Variants in GLDN observed in about 807,000 individuals in gnomAD.
GLDN encodes collomin.
Under a neutral mutation model 56.5 loss-of-function variants are expected in GLDN, and 47 were observed. The observed-to-expected ratio is 0.83, with a 90% CI of 0.66 to 1.06. GLDN has a LOEUF of 1.06. Among genes scored for constraint, GLDN ranks in the 50% least tolerant of loss-of-function variants. The pLI is 0.00. For synonymous variants in GLDN, 332 were observed against 278.8 expected, an observed-to-expected ratio of 1.19 and a Z score of -1.90; for missense variants, 782 against 714.3, an observed-to-expected ratio of 1.09 and a Z score of -1.08.
intron 1 of GLDN, among the ~76,000 whole-genome samples, chr15:51,351,876 C>G (rs554575674): frequency 6.6e-6 from 1 of 152,272 alleles, no homozygotes; most frequent in South Asian, 2.1e-4. Context: ...TTCACCAAGC[C>G]TCAGTTTCCT....
intron 5 of GLDN, among the ~76,000 whole-genome samples, chr15:51,397,006 A>C (rs1163867409): frequency 6.6e-6 from 1 of 152,224 alleles, no homozygotes; most frequent in Non-Finnish European, 1.5e-5. Flanking sequence ...CATGCTGCTG[A>C]CCAAGTGAGG....
rs117517384 is a variant in GLDN at position 51,401,887 on chromosome 15, G to C, written c.1178+144G>C. ...ACACTGAGGTCAATCAGGGTTTGTC[G>C]ACTGAATGAATCACAGGATATGTTA... is the stretch of plus-strand genomic sequence containing the variant. On this transcript the variant is annotated intron_variant, in intron 9 of 9. Coordinates refer to ENST00000335449, the MANE Select transcript of GLDN (RefSeq NM_181789.4). 5 of 714,754 alleles carry C rather than the reference G, an allele frequency of 7.0e-6. No individual in the cohort carries two copies. The East Asian group carries it at 1.4e-4, about 20-fold the overall frequency. 44.3% of individuals were successfully genotyped at this position (714,754 alleles called of 1,614,324 possible). A position where few individuals can be genotyped will look rare whatever the true frequency, so the allele number is the denominator to read the frequency against.
chr15:51,386,183 A>C lies in GLDN; in HGVS notation c.541+2291A>C, dbSNP rs146332224. Among the ~76,000 whole-genome samples, 78 of 152,318 alleles carry C rather than the reference A, an allele frequency of 5.1e-4. No homozygotes were observed. In the East Asian group the frequency reaches 0.015, roughly 29 times the overall value. ...CCAGAGAGTAAGGCTTGCGGAGGTC[A>C]GCAGCATTAGACCGCGAAGCCTCCA... On this transcript the variant is annotated intron_variant, in intron 4 of 9. Transcript: ENST00000335449.
intron 1 of GLDN, among the ~76,000 whole-genome samples, chr15:51,375,173 A>G (rs536816028): frequency 6.6e-6 from 1 of 152,386 alleles, no homozygotes; most frequent in South Asian, 2.1e-4. Flanking sequence ...TCTAGATACA[A>G]TACAAAAATT....
downstream of GLDN, among the ~76,000 whole-genome samples, chr15:51,410,402 C>T (rs1159079745): frequency 6.6e-6 from 1 of 152,208 alleles, no homozygotes; most frequent in Non-Finnish European, 1.5e-5. Flanking sequence ...AAGGAAGCGC[C>T]TCATCATCCA....
At chr15:51,409,332 A>G (rs2038440091), downstream of GLDN, among the ~76,000 whole-genome samples, 2 of 152,012 alleles carry the variant, frequency 1.3e-5, no homozygotes, top group South Asian at 4.1e-4. Context: ...GACTTTTGTA[A>G]TTGAAATATT....
rs1489031049 is a variant in GLDN at position 51,341,992 on chromosome 15, A to G, written c.308A>G (p.His103Arg). 1.9e-6 allele frequency: 3 copies of G among 1,597,802 alleles called. No individual in the cohort carries two copies. Among genetic ancestry groups the G allele is most frequent in the East Asian group, 2.2e-5 (1 of 44,810 alleles). Residue 103 changes from histidine to arginine, a missense_variant, in exon 1 of 10, where the codon CAT becomes CGT. By Grantham distance (29) the His-to-Arg change is conservative. Coordinates refer to ENST00000335449, the MANE Select transcript of GLDN (RefSeq NM_181789.4). Reference protein sequence around the residue: ...KRSHSGEPAPHIRAESHDMLM... With the variant: ...KRSHSGEPAPRIRAESHDMLM... ...AGCCACAGCGGCGAGCCCGCGCCGCATATCCGCGCCGAGAGCCATGACATG... is the reference window on the plus strand; with the variant it reads ...AGCCACAGCGGCGAGCCCGCGCCGCGTATCCGCGCCGAGAGCCATGACATG...
At chr15:51,381,494 C>T (rs2037759179) in intron 2 of GLDN, among the ~76,000 whole-genome samples, 1 of 152,100 alleles carries the variant, frequency 6.6e-6, no homozygotes, top group Non-Finnish European at 1.5e-5. Flanking sequence ...GCCATTTTTG[C>T]CCAGAGTAGG....
intron 1 of GLDN, among the ~76,000 whole-genome samples, chr15:51,367,810 C>T (rs1473003832): frequency 6.6e-6 from 1 of 152,186 alleles, no homozygotes; most frequent in Non-Finnish European, 1.5e-5. Flanking sequence ...CTGGGTGCAG[C>T]CACGCAAGTG....
intron 8 of GLDN, among the ~76,000 whole-genome samples, chr15:51,401,168 C>T (rs191027761): frequency 7.2e-5 from 11 of 152,314 alleles, no homozygotes; most frequent in Admixed American, 2.6e-4. Context: ...TACCAGGATT[C>T]GGGGACTCAA....
chr15:51,357,575 C>T (rs1395140642), intron 1 of GLDN, among the ~76,000 whole-genome samples: 1 of 152,196 alleles, frequency 6.6e-6, no homozygotes, highest in Non-Finnish European at 1.5e-5. Context: ...CAGCCCTCTG[C>T]GCTGGGAGCA....
Position 51,401,621 on chromosome 15 carries a change from G to C in GLDN, c.1056G>C (p.Gln352His). 1 of 1,614,094 alleles carries C rather than the reference G, an allele frequency of 6.2e-7. No homozygotes were observed. ...SGIMVKEFKD[Q>H]PSLLNGSYTF... ...TCATGGTTAAGGAATTCAAGGATCA[G>C]CCCTCACTTCTGAATGGCAGTTACA... The change falls in exon 9 of 10, where the codon CAG (glutamine) becomes CAC (histidine). Residue 352 changes from glutamine to histidine, a missense_variant. Gln to His is a conservative substitution (Grantham distance 24). Transcript: ENST00000335449.
At chr15:51,383,976 G>A (rs1211681189) in intron 4 of GLDN, 84 bp downstream of exon 4, 1 of 1,030,416 alleles carries the variant, frequency 9.7e-7, no homozygotes, top group Admixed American at 2.0e-5. Flanking sequence ...GTGTGCAGCA[G>A]GGGTAAGGTG....
intron 1 of GLDN, among the ~76,000 whole-genome samples, chr15:51,355,704 TA>T (rs2037164495): frequency 6.6e-6 from 1 of 150,572 alleles, no homozygotes; most frequent in Non-Finnish European, 1.5e-5. Flanking sequence ...TTTGTATTTT[TA>T]GTAGAGACGG....
chr15:51,385,788 G>A (rs886621725), intron 4 of GLDN, among the ~76,000 whole-genome samples: 1 of 152,204 alleles, frequency 6.6e-6, no homozygotes. Flanking sequence ...GACAGTTTAA[G>A]GAGCAGCAAG....
chr15:51,363,724 C>G (rs931018921), intron 1 of GLDN, among the ~76,000 whole-genome samples: 1 of 152,210 alleles, frequency 6.6e-6, no homozygotes, highest in African/African-American at 2.4e-5. Context: ...AGGCAGCATA[C>G]CAGTCAAATC....
Position 51,383,853 on chromosome 15 carries a change from A to G in GLDN, c.502A>G (p.Lys168Glu), listed in dbSNP as rs2037827477. The G allele has an allele frequency of 6.2e-7, 1 of 1,612,862 alleles. No homozygotes were observed. Among genetic ancestry groups the G allele is most frequent in the Non-Finnish European group, 8.5e-7 (1 of 1,179,660 alleles). The change falls in exon 4 of 10, where the codon AAA becomes GAA. Residue 168 changes from lysine to glutamate, a missense_variant. Coordinates refer to ENST00000335449, the MANE Select transcript of GLDN (RefSeq NM_181789.4). ...TGGACAGCCTGGTCCTCAGGGCCCA[A>G]AAGGAGAAAAAGGAGCAAATGGAAA... is the stretch of plus-strand genomic sequence containing the variant. The part of the protein sequence containing the change: ...LDGQPGPQGP[K>E]GEKGANGKRG...
At position 51,400,358 on chromosome 15, in the gene GLDN, CT is replaced by C. The variant is rs1344256367; in HGVS notation, c.902-14del. ...ATTGGCAGGCAAGTGACTTTCTTTTCTCTTCTTTTGGCAGAATCCATGATCA... is the reference window on the plus strand; with the variant it reads ...ATTGGCAGGCAAGTGACTTTCTTTTCCTTCTTTTGGCAGAATCCATGATCA... On this transcript the variant is annotated splice_polypyrimidine_tract_variant and intron_variant, in intron 7 of 9. Coordinates refer to ENST00000335449, the MANE Select transcript of GLDN (RefSeq NM_181789.4). The C allele has an allele frequency of 6.2e-7, 1 of 1,614,156 alleles. No individual in the cohort carries two copies. The highest frequency in any genetic ancestry group is 8.5e-7 in the Non-Finnish European group (1 of 1,180,024).
chr15:51,378,166 A>G (rs1325916099), intron 2 of GLDN, among the ~76,000 whole-genome samples: 1 of 152,196 alleles, frequency 6.6e-6, no homozygotes, highest in Non-Finnish European at 1.5e-5. Flanking sequence ...ACCTGTGAGT[A>G]TATGGGTATG....
Sources: gnomAD v4.1 joint callset for allele counts (sites outside exome capture counted in the v4.1 genomes callset) on GRCh38, gnomAD v4.1.1 for gene constraint, MANE v1.5 for transcripts, NCBI Gene and HGNC (gene_info 2026-07-23, HGNC 2026-07-21) for gene names.